The following NSMCE2 variants were observed in gnomAD, a reference collection of about 807,000 sequenced individuals.
The protein encoded by NSMCE2 is E3 SUMO-protein ligase NSE2.
In NSMCE2, 24 loss-of-function variants were observed where a neutral mutation model predicts 23.8. The observed-to-expected ratio is 1.01, with a 90% confidence interval of 0.73 to 1.42. The LOEUF (loss-of-function observed/expected upper bound fraction) is 1.42, where lower values mean the gene tolerates loss of function less well. Ranked by LOEUF, NSMCE2 falls within the 40% of genes most tolerant of loss-of-function variation. The pLI is 0.00. For missense variants in NSMCE2, 284 were observed against 296.5 expected (o/e 0.96, Z 0.31); for synonymous variants, 92 against 94.1 (o/e 0.98, Z 0.13).
intron 5 of NSMCE2, among the ~76,000 whole-genome samples, chr8:125,264,721 G>T (rs1394497308): frequency 1.3e-5 from 2 of 152,086 alleles, no homozygotes; most frequent in Non-Finnish European, 2.9e-5. Flanking sequence ...ATTATCACAG[G>T]GTAGGAGAGA....
At chr8:125,314,016 T>C (rs1829077569) in intron 5 of NSMCE2, among the ~76,000 whole-genome samples, 1 of 152,188 alleles carries the variant, frequency 6.6e-6, no homozygotes, top group Non-Finnish European at 1.5e-5. Flanking sequence ...TAATGGAAAG[T>C]GAAAAAGATT....
At chr8:125,264,939 A>G (rs1384707360) in intron 5 of NSMCE2, among the ~76,000 whole-genome samples, 3 of 152,200 alleles carry the variant, frequency 2.0e-5, no homozygotes, top group Non-Finnish European at 4.4e-5. Context: ...TTAGTACTAT[A>G]CAAATGAGAA....
intron 4 of NSMCE2, among the ~76,000 whole-genome samples, chr8:125,165,652 A>C (rs573489583): frequency 4.6e-5 from 7 of 152,212 alleles, no homozygotes; most frequent in Non-Finnish European, 1.0e-4. Context: ...AATCACTGAG[A>C]ATCAAAATTA....
In NSMCE2 at chr8:125,230,474, G is replaced by A. The variant is rs575166374; in HGVS notation, c.418+48218G>A. Among the ~76,000 whole-genome samples the A allele has an allele frequency of 7.2e-5, 11 of 152,236 alleles. No homozygotes were observed. The South Asian group carries it at 1.7e-3, about 23-fold the overall frequency. ...CAAAATCATTATTGATGTTCAAAGC[G>A]TGAACATCCCTTGGGGAAGTGGGAA... is the stretch of plus-strand genomic sequence containing the variant. On this transcript the variant is annotated intron_variant, in intron 5 of 7. Transcript: ENST00000287437.
intron 5 of NSMCE2, among the ~76,000 whole-genome samples, chr8:125,283,255 C>T (rs537115547): frequency 6.6e-6 from 1 of 152,270 alleles, no homozygotes; most frequent in South Asian, 2.1e-4. Flanking sequence ...AACTTAGAAT[C>T]AGGAGATCTG....
chr8:125,317,037 C>T (rs1157477981), intron 5 of NSMCE2, among the ~76,000 whole-genome samples: 1 of 151,852 alleles, frequency 6.6e-6, no homozygotes, highest in African/African-American at 2.4e-5. Flanking sequence ...GTCCACCTGC[C>T]TTGGCCTCCC....
In NSMCE2 at chr8:125,247,495, C is replaced by G. The variant is rs972555725; in HGVS notation, c.418+65239C>G. Among the ~76,000 whole-genome samples, 20 of 152,092 alleles carry G rather than the reference C, an allele frequency of 1.3e-4. 1 individual carries two copies. In the East Asian group the frequency reaches 3.7e-3, roughly 28 times the overall value. On this transcript the variant is annotated intron_variant, in intron 5 of 7. Coordinates refer to ENST00000287437, the MANE Select transcript of NSMCE2 (RefSeq NM_173685.4). ...ATCCCAGCACTTGGGGAGCCCAAGGCCGGTGGATTACCTGAGGTCAGCAGT... is the reference window on the plus strand; with the variant it reads ...ATCCCAGCACTTGGGGAGCCCAAGGGCGGTGGATTACCTGAGGTCAGCAGT...
At chr8:125,295,025 G>T (rs1362818978) in intron 5 of NSMCE2, among the ~76,000 whole-genome samples, 1 of 152,186 alleles carries the variant, frequency 6.6e-6, no homozygotes, top group Non-Finnish European at 1.5e-5. Context: ...CCAATAATCT[G>T]TCACCTGAAA....
chr8:125,331,572 G>C (rs1288504214), intron 5 of NSMCE2, among the ~76,000 whole-genome samples: 2 of 151,710 alleles, frequency 1.3e-5, no homozygotes, highest in African/African-American at 4.8e-5. Flanking sequence ...TCTCCTCCCT[G>C]AAGTTTAAAA....
chr8:125,308,484 A>G (rs1350579889), intron 5 of NSMCE2, among the ~76,000 whole-genome samples: 2 of 152,176 alleles, frequency 1.3e-5, no homozygotes, highest in Non-Finnish European at 2.9e-5. Flanking sequence ...AATACAGGCT[A>G]AACAACAACC....
chr8:125,363,109 C>G (rs1452256895), intron 7 of NSMCE2: 1 of 152,200 alleles, frequency 6.6e-6, no homozygotes, highest in Non-Finnish European at 1.5e-5. Context: ...CTTGGAGTTG[C>G]ATTTCAATGT....
chr8:125,181,036 G>A (rs535867023), intron 4 of NSMCE2, among the ~76,000 whole-genome samples: 9 of 152,290 alleles, frequency 5.9e-5, no homozygotes, highest in African/African-American at 2.2e-4. Context: ...AGAGAGTTTG[G>A]TGAGTTTTGC....
At chr8:125,285,402 C>T (rs1015901372) in intron 5 of NSMCE2, among the ~76,000 whole-genome samples, 8 of 152,158 alleles carry the variant, frequency 5.3e-5, no homozygotes, top group African/African-American at 1.9e-4. Context: ...CAGCTCTCAA[C>T]AGCTCTGCCT....
chr8:125,241,119 C>T (rs1312025361), intron 5 of NSMCE2, among the ~76,000 whole-genome samples: 1 of 152,146 alleles, frequency 6.6e-6, no homozygotes, highest in Non-Finnish European at 1.5e-5. Context: ...CCAAAATGCT[C>T]CAATGAGCAT....
chr8:125,327,124 G>A (rs764394158), intron 5 of NSMCE2, among the ~76,000 whole-genome samples: 159 of 151,144 alleles, frequency 1.1e-3, no homozygotes, highest in African/African-American at 3.5e-3. Flanking sequence ...AAAATTAGCC[G>A]GCGTGGTGGC....
chr8:125,315,803 T>C (rs1478032158), intron 5 of NSMCE2, among the ~76,000 whole-genome samples: 2 of 116,660 alleles, frequency 1.7e-5, no homozygotes, highest in African/African-American at 5.0e-5. Context: ...GTACCCTTTT[T>C]TTTCCCTCTC....
intron 5 of NSMCE2, among the ~76,000 whole-genome samples, chr8:125,335,509 G>A (rs1368711579): frequency 1.3e-5 from 2 of 152,166 alleles, no homozygotes; most frequent in Non-Finnish European, 2.9e-5. Context: ...CCCTCTCTAA[G>A]AATATTAGAG....
intron 4 of NSMCE2, among the ~76,000 whole-genome samples, chr8:125,169,435 CCA>C (rs1563693930): frequency 6.6e-6 from 1 of 152,126 alleles, no homozygotes; most frequent in Non-Finnish European, 1.5e-5. Context: ...ATTCAGTGTC[CCA>C]CAGTGACGTT....
At chr8:125,116,914 G>A (rs1373455345) in intron 3 of NSMCE2, among the ~76,000 whole-genome samples, 1 of 140,340 alleles carries the variant, frequency 7.1e-6, no homozygotes, top group African/African-American at 2.7e-5. Context: ...TTGAGATGGA[G>A]CCTCTCTCTG....
Sources: allele counts gnomAD v4.1 joint callset (sites outside exome capture counted in the v4.1 genomes callset), GRCh38; gene constraint gnomAD v4.1.1; transcripts MANE v1.5; gene names NCBI Gene and HGNC (gene_info 2026-07-23, HGNC 2026-07-21).